Variants in PATJ observed in about 807,000 individuals in gnomAD.
PATJ encodes the protein inaD-like protein.
Under a neutral mutation model 224.9 loss-of-function variants are expected in PATJ, and 190 were observed. That is an observed-to-expected ratio of 0.84 (90% CI 0.75 to 0.95). The LOEUF is 0.95. PATJ is among the 40% of genes least tolerant of loss of function. The pLI is 0.00. For missense variants in PATJ, 2,121 were observed against 2,270.3 expected, an observed-to-expected ratio of 0.93 and a Z score of 1.34; for synonymous variants, 769 against 820.3, an observed-to-expected ratio of 0.94 and a Z score of 1.07.
At chr1:61,889,676 C>T (rs988736547) in intron 22 of PATJ, among the ~76,000 whole-genome samples, 5 of 152,140 alleles carry the variant, frequency 3.3e-5, no homozygotes, top group South Asian at 2.1e-4. Context: ...GCATATATAG[C>T]GTATGGATAT....
In PATJ at chr1:62,128,848, A is replaced by T. The variant is rs769905242; in HGVS notation, c.5174A>T (p.Asp1725Val). The change falls in exon 41 of 44, where the codon GAT (aspartate) becomes GTT (valine). Residue 1725 changes from aspartate (D) to valine (V), a missense_variant. By Grantham distance (152) the Asp-to-Val change is radical. Transcript: ENST00000642238. ...AARTQKLKVGDRIVSINGQPL... is the reference protein window; with the variant it reads ...AARTQKLKVGVRIVSINGQPL... The stretch of plus-strand genomic sequence containing the variant: ...TCATTTTTGTACTTCCAGGTTGGAG[A>T]TCGGATTGTCAGCATTAACGGGCAA... 3.1e-6 allele frequency: 5 copies of T among 1,608,270 alleles called. No homozygotes were observed. In the African/African-American group the frequency reaches 4.0e-5, roughly 13 times the overall value.
intron 20 of PATJ, 65 bp downstream of exon 20, chr1:61,864,698 A>T: frequency 7.2e-7 from 1 of 1,396,198 alleles, no homozygotes; most frequent in Non-Finnish European, 9.7e-7. Context: ...CCTGTCTCTA[A>T]CTCATGTCAC....
intron 17 of PATJ, among the ~76,000 whole-genome samples, chr1:61,853,524 G>T (rs1465583802): frequency 6.6e-6 from 1 of 152,062 alleles, no homozygotes; most frequent in Non-Finnish European, 1.5e-5. Flanking sequence ...CTATTATGTA[G>T]TCTCCCTTCT....
At chr1:61,920,857 C>A (rs1347375183) in intron 26 of PATJ, among the ~76,000 whole-genome samples, 2 of 151,982 alleles carry the variant, frequency 1.3e-5, no homozygotes, top group South Asian at 2.1e-4. Flanking sequence ...CAGGAATGCC[C>A]ACCATGCCCA....
chr1:61,919,519 G>C (rs1235698528), intron 26 of PATJ, among the ~76,000 whole-genome samples: 1 of 151,810 alleles, frequency 6.6e-6, no homozygotes, highest in Non-Finnish European at 1.5e-5. Context: ...TGCGCAGGCT[G>C]ATCTCAAACT....
At chr1:61,944,198 C>T (rs756481415) in intron 27 of PATJ, among the ~76,000 whole-genome samples, 26 of 152,118 alleles carry the variant, frequency 1.7e-4, no homozygotes, top group African/African-American at 5.8e-4. Context: ...TCACCAGCAA[C>T]GGAACAAAGC....
At chr1:62,156,821 TG>T (rs903552586) in intron 43 of PATJ, among the ~76,000 whole-genome samples, 1 of 147,050 alleles carries the variant, frequency 6.8e-6, no homozygotes, top group Non-Finnish European at 1.5e-5. Context: ...GAGGCTGAGG[TG>T]GGAGGATGGC....
intron 17 of PATJ, among the ~76,000 whole-genome samples, 162 bp downstream of exon 17, chr1:61,833,947 C>A (rs545672472): frequency 5.3e-5 from 8 of 152,192 alleles, no homozygotes; most frequent in African/African-American, 1.4e-4. Context: ...ATTAGTAGCT[C>A]CCTTAGTGAA....
At chr1:61,856,408 A>G (rs1433407648) in intron 18 of PATJ, among the ~76,000 whole-genome samples, 169 bp downstream of exon 18, 4 of 152,264 alleles carry the variant, frequency 2.6e-5, no homozygotes, top group African/African-American at 9.6e-5. Context: ...AGAAAAAATA[A>G]TGTCTACCTC....
intron 33 of PATJ, among the ~76,000 whole-genome samples, chr1:62,088,247 C>G (rs999543969): frequency 1.3e-5 from 2 of 152,190 alleles, no homozygotes; most frequent in Middle Eastern, 3.2e-3. Flanking sequence ...AACACTTTGA[C>G]TAGCGCCAGC....
chr1:61,829,491 C>T (rs1658930881), intron 16 of PATJ, among the ~76,000 whole-genome samples: 1 of 152,216 alleles, frequency 6.6e-6, no homozygotes, highest in East Asian at 1.9e-4. Flanking sequence ...CCCCGTCTGT[C>T]ATGCTTTACC....
At chr1:62,048,999 G>T (rs962332090) in intron 30 of PATJ, among the ~76,000 whole-genome samples, 11 of 152,102 alleles carry the variant, frequency 7.2e-5, no homozygotes, top group South Asian at 2.1e-4. Flanking sequence ...AAAGCAACTT[G>T]CCCCAAGTCA....
chr1:61,760,879 T>C (rs1205490799), intron 1 of PATJ, among the ~76,000 whole-genome samples: 1 of 152,084 alleles, frequency 6.6e-6, no homozygotes, highest in Non-Finnish European at 1.5e-5. Flanking sequence ...TCTCCAAGTG[T>C]GGGATTACAG....
chr1:62,131,839 A>G lies in PATJ; in HGVS notation c.5271+2894A>G, dbSNP rs76325816. Among the ~76,000 whole-genome samples, 447 of 150,798 alleles carry G rather than the reference A, an allele frequency of 3.0e-3. 16 individuals are homozygous for G. The East Asian group carries it at 0.077, about 26-fold the overall frequency. On this transcript the variant is annotated intron_variant, in intron 41 of 43. Coordinates refer to ENST00000642238, the MANE Select transcript of PATJ (RefSeq NM_001350145.3). ...CTATAATGTCATAATAATAAAAACCAATATAACCAAATATTAGGATGAATG... is the reference window on the plus strand; with the variant it reads ...CTATAATGTCATAATAATAAAAACCGATATAACCAAATATTAGGATGAATG...
rs112976879 is a variant in PATJ at position 61,833,738 on chromosome 1, C to G, written c.2065C>G (p.Leu689Val). Reference protein sequence around the residue: ...LWSPEVKIVELVKDCKGLGFS... With the variant: ...LWSPEVKIVEVVKDCKGLGFS... ...GTCCCCTGAAGTCAAGATTGTTGAA[C>G]TAGTAAAAGATTGTAAAGGTTTGGG... The change falls in exon 17 of 44, where the codon CTA becomes GTA. Residue 689 changes from leucine (L) to valine (V), a missense_variant. Coordinates refer to ENST00000642238, the MANE Select transcript of PATJ (RefSeq NM_001350145.3). The G allele has an allele frequency of 8.4e-4, 1,363 of 1,613,496 alleles. 11 individuals carry two copies. The African/African-American group carries it at 0.016, about 19-fold the overall frequency.
intron 39 of PATJ, among the ~76,000 whole-genome samples, chr1:62,123,469 C>CTTTTT (rs34621846): frequency 7.7e-5 from 5 of 64,560 alleles, no homozygotes; most frequent in African/African-American, 1.3e-4. Flanking sequence ...CTATAAGTTT[C>CTTTTT]TTTTTTTTTT....
At chr1:61,979,062 C>T (rs1644303865) in intron 27 of PATJ, among the ~76,000 whole-genome samples, 1 of 151,988 alleles carries the variant, frequency 6.6e-6, no homozygotes, top group Non-Finnish European at 1.5e-5. Flanking sequence ...ATAACATTGT[C>T]CTGGGGCTAG....
intron 17 of PATJ, among the ~76,000 whole-genome samples, chr1:61,850,935 G>A (rs865967710): frequency 4.6e-5 from 7 of 152,156 alleles, no homozygotes; most frequent in South Asian, 2.1e-4. Context: ...ATGGGATGTG[G>A]CTTTTGCTTT....
intron 30 of PATJ, among the ~76,000 whole-genome samples, chr1:62,042,823 T>C (rs1651773865): frequency 6.6e-6 from 1 of 152,058 alleles, no homozygotes; most frequent in Admixed American, 6.5e-5. Flanking sequence ...ATTTTTAAAT[T>C]TTTTGTAGAG....
Sources: gnomAD v4.1 joint callset for allele counts (sites outside exome capture counted in the v4.1 genomes callset) on GRCh38, gnomAD v4.1.1 for gene constraint, MANE v1.5 for transcripts, NCBI Gene and HGNC (gene_info 2026-07-23, HGNC 2026-07-21) for gene names.